The following MYO19 variants were observed in gnomAD, a reference collection of about 807,000 sequenced individuals.
MYO19 encodes myosin XIX, also known as unconventional myosin-XIX.
In MYO19, 132 loss-of-function variants were observed where a neutral mutation model predicts 129.2. That is an observed-to-expected ratio of 1.02 (90% CI 0.89 to 1.18). The LOEUF is 1.18. Ranked by LOEUF, MYO19 falls within the 50% of genes most tolerant of loss-of-function variation. The pLI is 0.00. For synonymous variants in MYO19, 531 were observed against 477.2 expected (o/e 1.11, Z -1.47); for missense variants, 1,210 against 1,216.7 (o/e 0.99, Z 0.08).
intron 21 of MYO19, chr17:36,501,506 T>C: frequency 5.8e-6 from 2 of 345,478 alleles, no homozygotes; most frequent in Non-Finnish European, 1.0e-5. Context: ...CATGAGTCCC[T>C]TTGGGCAGGC....
At chr17:36,525,100 C>T in intron 6 of MYO19, 128 bp downstream of exon 6, 1 of 703,434 alleles carries the variant, frequency 1.4e-6, no homozygotes, top group East Asian at 2.5e-5. Flanking sequence ...CCAACCCCAG[C>T]TTCAGCCAGC....
chr17:36,495,823 GT>G lies in MYO19; in HGVS notation c.*427del. 1 of 1,241,696 alleles carries G rather than the reference GT, an allele frequency of 8.1e-7. No individual in the cohort carries two copies. The highest frequency in any genetic ancestry group is 3.1e-5 in the East Asian group (1 of 32,332). 76.9% of individuals were successfully genotyped at this position (1,241,696 alleles called of 1,614,324 possible). ...ATAAATCAACTAATTAAATACTAAA[GT>G]TTTGTTCCTTTTTAAAGGAAATAAC... On this transcript the variant is annotated 3_prime_UTR_variant, in exon 26 of 26. Transcript: ENST00000614623.
chr17:36,496,528 A>G, intron 25 of MYO19, 122 bp from the exon 26 acceptor site: 1 of 868,900 alleles, frequency 1.2e-6, no homozygotes, highest in Non-Finnish European at 1.8e-6. Context: ...ATTGGGGGCC[A>G]CAGCAGGATT....
chr17:36,536,968 G>T, upstream of MYO19: 1 of 733,072 alleles, frequency 1.4e-6, no homozygotes, highest in Non-Finnish European at 2.2e-6. Context: ...CAAATCCTAG[G>T]TGAACTCATT....
At chr17:36,538,131 T>C (rs371945461), upstream of MYO19, 102 of 1,614,062 alleles carry the variant, frequency 6.3e-5, no homozygotes, top group South Asian at 5.5e-5. Context: ...CTGTTTTCTT[T>C]TACTGGCAGC....
chr17:36,518,343 A>G (rs1401043224), intron 6 of MYO19, among the ~76,000 whole-genome samples: 1 of 150,668 alleles, frequency 6.6e-6, no homozygotes, highest in Non-Finnish European at 1.5e-5. Context: ...AAAAATACAA[A>G]AATTAGCCAG....
At chr17:36,517,402 G>A (rs557774660) in intron 6 of MYO19, among the ~76,000 whole-genome samples, 2 of 152,240 alleles carry the variant, frequency 1.3e-5, no homozygotes, top group East Asian at 3.9e-4. Context: ...TGGGACTACA[G>A]GCGCTCGCCA....
At chr17:36,524,782 C>G (rs565715875) in intron 6 of MYO19, among the ~76,000 whole-genome samples, 48 of 152,338 alleles carry the variant, frequency 3.2e-4, no homozygotes, top group African/African-American at 9.9e-4. Flanking sequence ...TCATTTAACT[C>G]TCACAGAAGT....
chr17:36,522,028 T>TAAAAAAAAAAA (rs370448301), intron 6 of MYO19, among the ~76,000 whole-genome samples: 2 of 115,278 alleles, frequency 1.7e-5, no homozygotes, highest in Non-Finnish European at 3.6e-5. Flanking sequence ...AGACTGTCTT[T>TAAAAAAAAAAA]AAAAAAAAAA....
chr17:36,505,184 G>A lies in MYO19; in HGVS notation c.1905+113C>T, dbSNP rs185885851. The A allele has an allele frequency of 3.0e-4, 286 of 964,686 alleles. No individual in the cohort carries two copies. The African/African-American group carries it at 3.8e-3, about 13-fold the overall frequency. 59.8% of individuals were successfully genotyped at this position (964,686 alleles called of 1,614,324 possible). ...GTCCTCTCTCATGTCAGGCCTGGCC[G>A]GAGAGACCACTTCTGTGCACTCCAT... On this transcript the variant is annotated intron_variant, in intron 19 of 25. Coordinates refer to ENST00000614623, the MANE Select transcript of MYO19 (RefSeq NM_001163735.2).
chr17:36,537,990 G>A, upstream of MYO19: 7 of 1,614,042 alleles, frequency 4.3e-6, no homozygotes, highest in Non-Finnish European at 5.9e-6. Context: ...CACACGGGTT[G>A]GTCTATTAAA....
chr17:36,505,130 T>C (rs753928271), intron 19 of MYO19, 167 bp downstream of exon 19: 39 of 777,454 alleles, frequency 5.0e-5, no homozygotes, highest in Non-Finnish European at 8.9e-5. Context: ...CAACCATACA[T>C]GCCTGCCCTG....
chr17:36,506,756 G>A (rs936287356), intron 17 of MYO19, 148 bp from the exon 18 acceptor site: 1 of 1,129,230 alleles, frequency 8.9e-7, no homozygotes. Context: ...CCAGAGACCT[G>A]GAGACCCAGT....
rs146850030 is a variant in MYO19, at chr17:36,521,224, CT to C, written c.414+4003del. Among the ~76,000 whole-genome samples the C allele has an allele frequency of 7.7e-3, 1,169 of 152,260 alleles. 19 individuals carry two copies. Among genetic ancestry groups the C allele is most frequent in the East Asian group, 0.026 (135 of 5,190 alleles). On this transcript the variant is annotated intron_variant, in intron 6 of 25. Transcript: ENST00000614623. ...CAGTGAGGCCCCATTGGTTGACAAT[CT>C]TGTACGTAAACACAGATTCTAATCA...
At chr17:36,515,234 A>G (rs930952460) in intron 7 of MYO19, 52 bp from the exon 8 acceptor site, 2 of 1,547,232 alleles carry the variant, frequency 1.3e-6, no homozygotes, top group Non-Finnish European at 1.8e-6. Flanking sequence ...CAGAGTCCTC[A>G]TAAGCCAAGG....
intron 6 of MYO19, among the ~76,000 whole-genome samples, chr17:36,517,024 C>A (rs2072799004): frequency 6.6e-6 from 1 of 152,120 alleles, no homozygotes; most frequent in Non-Finnish European, 1.5e-5. Context: ...ACTTCAATTT[C>A]TTTCAGAAAT....
intron 11 of MYO19, chr17:36,513,221 G>C: frequency 6.9e-7 from 1 of 1,447,686 alleles, no homozygotes; most frequent in Non-Finnish European, 9.0e-7. Context: ...CACTGTGTAT[G>C]CATCACTCTT....
chr17:36,503,916 G>T, intron 20 of MYO19, 34 bp downstream of exon 20: 1 of 1,542,224 alleles, frequency 6.5e-7, no homozygotes. Context: ...ACTCTGTACT[G>T]GCCCTGCACT....
upstream of MYO19, chr17:36,538,075 A>G: frequency 6.2e-7 from 1 of 1,614,204 alleles, no homozygotes; most frequent in Non-Finnish European, 8.5e-7. Flanking sequence ...ACAGGGTTAT[A>G]TATGCATAAG....
Sources: allele counts gnomAD v4.1 joint callset (sites outside exome capture counted in the v4.1 genomes callset), GRCh38; gene constraint gnomAD v4.1.1; transcripts MANE v1.5; gene names NCBI Gene and HGNC (gene_info 2026-07-23, HGNC 2026-07-21).